The following RUFY4 variants were observed in gnomAD, a reference collection of about 807,000 sequenced individuals.
RUFY4 encodes the protein RUN and FYVE domain containing 4.
A neutral mutation model predicts 69.0 loss-of-function variants in RUFY4; 73 were observed. The ratio of observed to expected loss-of-function variants is 1.06; its 90% confidence interval spans 0.88 to 1.29. RUFY4 has a LOEUF of 1.29. Among genes scored for constraint, RUFY4 ranks in the 50% most tolerant of loss-of-function variants. The pLI, the probability that RUFY4 is intolerant of heterozygous loss-of-function variation, is 0.00. For synonymous variants in RUFY4, 287 were observed against 271.8 expected (o/e 1.06, Z -0.55); for missense variants, 770 against 705.6 (o/e 1.09, Z -1.03).
intron 8 of RUFY4, among the ~76,000 whole-genome samples, chr2:218,076,786 T>A (rs1409733148): frequency 6.6e-6 from 1 of 152,192 alleles, no homozygotes; most frequent in Non-Finnish European, 1.5e-5. Context: ...CCTCCTGGCC[T>A]GCTTCCTTCC....
At chr2:218,056,229 G>GTT (rs796703457) in intron 2 of RUFY4, among the ~76,000 whole-genome samples, 3,006 of 128,746 alleles carry the variant, frequency 0.023, 101 homozygotes, top group African/African-American at 0.08. Context: ...GCTGGTTGTT[G>GTT]TTTTTTTTTT....
intron 6 of RUFY4, among the ~76,000 whole-genome samples, chr2:218,074,705 C>T (rs778736134): frequency 4.6e-5 from 7 of 152,116 alleles, no homozygotes; most frequent in Non-Finnish European, 8.8e-5. Flanking sequence ...ACCCTAAAAC[C>T]GGGTATTATC....
intron 2 of RUFY4, among the ~76,000 whole-genome samples, chr2:218,043,280 A>G (rs1053958322): frequency 6.6e-6 from 1 of 151,664 alleles, no homozygotes; most frequent in Non-Finnish European, 1.5e-5. Flanking sequence ...TCATTTGGTC[A>G]TCTTCCACTC....
exon 11 of RUFY4, chr2:218,089,978 C>G (rs769698586): frequency 1.9e-6 from 3 of 1,567,208 alleles, no homozygotes; most frequent in Non-Finnish European, 2.6e-6. Flanking sequence ...CTCTGCCATG[C>G]TTGCTCCATG....
chr2:218,037,698 A>G (rs1959000039), intron 2 of RUFY4, among the ~76,000 whole-genome samples: 1 of 152,234 alleles, frequency 6.6e-6, no homozygotes, highest in African/African-American at 2.4e-5. Flanking sequence ...ATTTTCAAAT[A>G]TGACATCCCA....
chr2:218,089,221 C>G, intron 9 of RUFY4, 31 bp from the exon 12 acceptor site: 1 of 1,543,614 alleles, frequency 6.5e-7, no homozygotes, highest in Non-Finnish European at 8.9e-7. Context: ...CTGTCTCTGT[C>G]TGTGTCTCTC....
At chr2:218,079,000 T>C (rs1032799247) in intron 8 of RUFY4, among the ~76,000 whole-genome samples, 1 of 152,190 alleles carries the variant, frequency 6.6e-6, no homozygotes, top group Non-Finnish European at 1.5e-5. Flanking sequence ...CCCGAGTAGC[T>C]GGGATTACAG....
intron 9 of RUFY4, among the ~76,000 whole-genome samples, chr2:218,084,452 G>A (rs1689844471): frequency 6.6e-6 from 1 of 152,002 alleles, no homozygotes. Flanking sequence ...GGCTGGTCTT[G>A]AACTCCTGAC....
At chr2:218,049,067 G>C (rs187332056) in intron 2 of RUFY4, among the ~76,000 whole-genome samples, 3 of 152,166 alleles carry the variant, frequency 2.0e-5, no homozygotes, top group African/African-American at 7.2e-5. Flanking sequence ...CTACATGGGG[G>C]AAGTTTCATG....
chr2:218,069,811 C>G (rs1033821673), upstream of RUFY4, among the ~76,000 whole-genome samples: 2 of 152,134 alleles, frequency 1.3e-5, no homozygotes, highest in Non-Finnish European at 2.9e-5. Flanking sequence ...GGTCTTGACT[C>G]TAGGATCTCA....
chr2:218,068,716 T>C (rs1425387940), upstream of RUFY4: 1 of 152,484 alleles, frequency 6.6e-6, no homozygotes, highest in Non-Finnish European at 1.5e-5. Flanking sequence ...CCTGGCCCAT[T>C]GCTGGGCACA....
Position 218,073,405 on chromosome 2 carries a change from G to T in RUFY4, c.530+19G>T. On this transcript the variant is annotated intron_variant, in intron 5 of 10. Transcript: ENST00000344321. ...TCTCAGAGTGAGTGGGTGCAGCCAG[G>T]AGAGAAGTCTCTTTTGACACCTGGT... 6.3e-7 allele frequency: 1 copy of T among 1,582,392 alleles called. No individual in the cohort carries two copies. The highest frequency in any genetic ancestry group is 8.6e-7 in the Non-Finnish European group (1 of 1,163,888).
At chr2:218,035,803 G>C (rs983180619) in intron 2 of RUFY4, among the ~76,000 whole-genome samples, 9 of 152,338 alleles carry the variant, frequency 5.9e-5, no homozygotes, top group Middle Eastern at 3.4e-3. Flanking sequence ...CATCTGCTCA[G>C]CTCCAGCCTT....
chr2:218,072,849 C>T (rs777992469), exon 4 of RUFY4: 3 of 1,535,860 alleles, frequency 2.0e-6, no homozygotes, highest in Non-Finnish European at 2.6e-6. Flanking sequence ...CTGGCTGAGG[C>T]CCTGCAGCTT....
intron 2 of RUFY4, among the ~76,000 whole-genome samples, chr2:218,055,308 T>C (rs1394065175): frequency 6.6e-6 from 1 of 151,918 alleles, no homozygotes; most frequent in Non-Finnish European, 1.5e-5. Flanking sequence ...GACAGGAGAA[T>C]TGCTTGAGCC....
chr2:218,061,520 T>C (rs1172032065), intron 3 of RUFY4: 1 of 166,858 alleles, frequency 6.0e-6, no homozygotes, highest in East Asian at 1.7e-4. Context: ...GATAGGATTC[T>C]TTGTGTTGGC....
intron 10 of RUFY4, chr2:218,089,585 A>C (rs912431762): frequency 1.3e-5 from 9 of 670,536 alleles, no homozygotes; most frequent in Non-Finnish European, 2.2e-5. Context: ...GGGGAGTGGG[A>C]TTGGGTCCCC....
At chr2:218,083,899 G>A (rs1689828887) in intron 9 of RUFY4, among the ~76,000 whole-genome samples, 1 of 151,808 alleles carries the variant, frequency 6.6e-6, no homozygotes. Context: ...GGTTGAGAAG[G>A]AATTGGGAGA....
intron 2 of RUFY4, among the ~76,000 whole-genome samples, chr2:218,056,402 C>A (rs1475804110): frequency 6.6e-6 from 1 of 152,052 alleles, no homozygotes; most frequent in Admixed American, 6.6e-5. Context: ...GCAACTCTGC[C>A]CTGAGAGAGC....
Sources: gnomAD v4.1 joint callset for allele counts (sites outside exome capture counted in the v4.1 genomes callset) on GRCh38, gnomAD v4.1.1 for gene constraint, MANE v1.5 for transcripts, NCBI Gene and HGNC (gene_info 2026-07-23, HGNC 2026-07-21) for gene names.